The following DIAPH2 variants were observed in gnomAD, a reference collection of about 807,000 sequenced individuals.
The protein encoded by DIAPH2 is protein diaphanous homolog 2.
Under a neutral mutation model 92.7 loss-of-function variants are expected in DIAPH2, and 35 were observed. The observed-to-expected ratio is 0.38, with a 90% CI of 0.29 to 0.50. DIAPH2 has a LOEUF of 0.50. Among genes scored for constraint, DIAPH2 ranks in the 20% least tolerant of loss-of-function variants. The probability of loss-of-function intolerance (pLI) is 0.94; values close to 1 mark genes in which losing one functional copy is unlikely to be tolerated. For missense variants in DIAPH2, 701 were observed against 819.5 expected (o/e 0.86, Z 1.77); for synonymous variants, 301 against 280.4 (o/e 1.07, Z -0.73).
chrX:97,031,960 G>A (rs766092713), intron 17 of DIAPH2, among the ~76,000 whole-genome samples: 195 of 111,796 alleles, frequency 1.7e-3, no homozygotes, highest in African/African-American at 6.3e-3. Context: ...AGAAACTGTG[G>A]TGTTTTCAAG....
intron 14 of DIAPH2, among the ~76,000 whole-genome samples, chrX:96,947,822 C>T (rs1168444557): frequency 8.9e-6 from 1 of 111,761 alleles, no homozygotes; most frequent in Non-Finnish European, 1.9e-5. Context: ...TGACTTGAAA[C>T]AACATTGACA....
intron 22 of DIAPH2, among the ~76,000 whole-genome samples, chrX:97,223,536 A>G: frequency 8.9e-6 from 1 of 111,935 alleles, no homozygotes; most frequent in East Asian, 2.8e-4. Context: ...ACTCGATTAC[A>G]TATTTCTGCA....
intron 24 of DIAPH2, among the ~76,000 whole-genome samples, chrX:97,368,662 G>T (rs1282027737): frequency 9.7e-6 from 1 of 103,191 alleles, no homozygotes; most frequent in East Asian, 3.1e-4. Flanking sequence ...ATTAACCACA[G>T]CTCTTTTAAA....
chrX:97,231,937 T>TA (rs58068130), intron 22 of DIAPH2, among the ~76,000 whole-genome samples: 48,888 of 109,306 alleles, frequency 0.45, 9,375 homozygotes, highest in Non-Finnish European at 0.6. Flanking sequence ...TTTATTTAGT[T>TA]AAAAAAAATA....
intron 23 of DIAPH2, among the ~76,000 whole-genome samples, chrX:97,310,127 G>A (rs1181647409): frequency 1.8e-5 from 2 of 112,155 alleles, no homozygotes; most frequent in African/African-American, 6.5e-5. Flanking sequence ...TTTGCAAAGC[G>A]ACAAAATTTC....
chrX:96,975,354 C>T (rs1303914065), intron 17 of DIAPH2, among the ~76,000 whole-genome samples: 1 of 111,795 alleles, frequency 8.9e-6, no homozygotes, highest in African/African-American at 3.3e-5. Flanking sequence ...TGTAATTCAT[C>T]TTTGCCTTCA....
chrX:96,986,671 G>A (rs1418618876), intron 17 of DIAPH2, among the ~76,000 whole-genome samples: 1 of 111,427 alleles, frequency 9.0e-6, no homozygotes, highest in Non-Finnish European at 1.9e-5. Flanking sequence ...GCATAAATGT[G>A]TTAATAATGC....
At chrX:96,833,697 A>G (rs750759454) in intron 4 of DIAPH2, among the ~76,000 whole-genome samples, 15 of 110,677 alleles carry the variant, frequency 1.4e-4, no homozygotes, top group African/African-American at 4.0e-4. Context: ...GTCTCACTCT[A>G]TCACCCAGGC....
At chrX:97,180,556 G>A (rs1471894695) in intron 22 of DIAPH2, among the ~76,000 whole-genome samples, 1 of 111,729 alleles carries the variant, frequency 9.0e-6, no homozygotes, top group African/African-American at 3.3e-5. Flanking sequence ...TGCTTTTGGT[G>A]GTTTTGTCAT....
chrX:97,381,114 CA>C (rs2069547322), intron 24 of DIAPH2, among the ~76,000 whole-genome samples: 1 of 111,390 alleles, frequency 9.0e-6, no homozygotes, highest in Non-Finnish European at 1.9e-5. Context: ...TCTTCTATCG[CA>C]AATTGTATCA....
chrX:96,912,673 T>C, intron 7 of DIAPH2, 121 bp downstream of exon 7: 1 of 824,662 alleles, frequency 1.2e-6, no homozygotes, highest in Non-Finnish European at 1.6e-6. Context: ...TACATGTATA[T>C]AGGCGAACAT....
At chrX:97,014,756 A>G (rs372701110) in intron 17 of DIAPH2, among the ~76,000 whole-genome samples, 7 of 112,200 alleles carry the variant, frequency 6.2e-5, no homozygotes, top group African/African-American at 2.3e-4. Context: ...GACCTTAGGA[A>G]AGTTATCTAA....
intron 22 of DIAPH2, among the ~76,000 whole-genome samples, chrX:97,162,933 T>G (rs989295814): frequency 9.0e-6 from 1 of 111,459 alleles, no homozygotes; most frequent in Non-Finnish European, 1.9e-5. Flanking sequence ...TGATATTTAT[T>G]GTTTCTAAGG....
intron 22 of DIAPH2, among the ~76,000 whole-genome samples, chrX:97,206,153 A>C (rs188484923): frequency 3.6e-5 from 4 of 110,470 alleles, no homozygotes; most frequent in Non-Finnish European, 7.6e-5. Context: ...AGGACCTGTC[A>C]TGGGGTCGGA....
chrX:97,336,412 AT>A (rs1286025796), intron 23 of DIAPH2, among the ~76,000 whole-genome samples: 4 of 102,351 alleles, frequency 3.9e-5, no homozygotes, highest in Admixed American at 1.1e-4. Flanking sequence ...CGCCCGGCTA[AT>A]TTTTTTTTTG....
At chrX:97,274,127 AACAT>A (rs1163981310) in intron 23 of DIAPH2, among the ~76,000 whole-genome samples, 1 of 86,022 alleles carries the variant, frequency 1.2e-5, no homozygotes, top group Non-Finnish European at 2.3e-5. Flanking sequence ...AAAGATACTA[AACAT>A]ACATCTTTGA....
At chrX:96,950,017 C>T (rs1279284035) in intron 15 of DIAPH2, among the ~76,000 whole-genome samples, 1 of 111,081 alleles carries the variant, frequency 9.0e-6, no homozygotes, top group Non-Finnish European at 1.9e-5. Context: ...ATCCGGGGGC[C>T]TTTTCCTACC....
At chrX:97,534,102 T>TA (rs1187357545) in intron 26 of DIAPH2, among the ~76,000 whole-genome samples, 2 of 7,575 alleles carry the variant, frequency 2.6e-4, no homozygotes, top group African/African-American at 3.0e-4. Context: ...CAGTGTTGCT[T>TA]AAAAAAAAAG....
rs1020239489 is a variant in DIAPH2, at chrX:97,601,257, A to G, written c.*1940A>G. On this transcript the variant is annotated 3_prime_UTR_variant, in exon 27 of 27. Transcript: ENST00000324765. ...TGATCTTGAAATGTTAACCCTGACT[A>G]AAATTTGGGAGCATATGCCTTGCTA... The G allele has an allele frequency of 8.9e-6, 1 of 111,951 alleles. No homozygotes were observed. The highest frequency in any genetic ancestry group is 1.9e-5 in the Non-Finnish European group (1 of 53,091). 9.2% of individuals were successfully genotyped at this position (111,951 alleles called of 1,213,427 possible).
Sources: allele counts gnomAD v4.1 joint callset (sites outside exome capture counted in the v4.1 genomes callset), GRCh38; gene constraint gnomAD v4.1.1; transcripts MANE v1.5; gene names NCBI Gene and HGNC (gene_info 2026-07-23, HGNC 2026-07-21).